Variants in PSME4 observed in about 807,000 individuals in gnomAD.
PSME4 encodes proteasome activator complex subunit 4.
PSME4 carries 89 observed loss-of-function variants against 253.9 expected under a neutral mutation model. The ratio of observed to expected loss-of-function variants is 0.35; its 90% CI spans 0.30 to 0.42. The LOEUF (loss-of-function observed/expected upper bound fraction) is 0.42, where lower values mean the gene tolerates loss of function less well. Among genes scored for constraint, PSME4 ranks in the 10% least tolerant of loss-of-function variants. The probability of loss-of-function intolerance (pLI) is 1.00; values close to 1 mark genes in which losing one functional copy is unlikely to be tolerated. For synonymous variants in PSME4, 851 were observed against 759.2 expected (o/e 1.12, Z -1.99); for missense variants, 2,014 against 2,195.2 (o/e 0.92, Z 1.65).
intron 1 of PSME4, among the ~76,000 whole-genome samples, chr2:53,952,125 C>T (rs372849054): frequency 3.5e-4 from 54 of 152,268 alleles, no homozygotes; most frequent in African/African-American, 1.3e-3. Flanking sequence ...TCAGTGGCTG[C>T]TTCAGGCCTT....
intron 1 of PSME4, among the ~76,000 whole-genome samples, chr2:53,954,784 T>C (rs1345873715): frequency 6.6e-6 from 1 of 151,496 alleles, no homozygotes; most frequent in East Asian, 1.9e-4. Context: ...GAGGTTGCAG[T>C]GAGCCAAGAC....
chr2:53,867,669 CAAAAAA>C (rs35848517), intron 44 of PSME4, among the ~76,000 whole-genome samples: 6 of 98,556 alleles, frequency 6.1e-5, no homozygotes, highest in African/African-American at 7.9e-5. Context: ...GACCTTACCT[CAAAAAA>C]AAAAAAAAAA....
intron 8 of PSME4, 73 bp from the exon 9 acceptor site, chr2:53,932,833 C>T: frequency 8.6e-7 from 1 of 1,159,170 alleles, no homozygotes; most frequent in South Asian, 1.2e-5. Flanking sequence ...AGGCCCAAGC[C>T]TATACGTAAA....
At chr2:53,963,197 A>T (rs989615265) in intron 1 of PSME4, among the ~76,000 whole-genome samples, 1 of 151,980 alleles carries the variant, frequency 6.6e-6, no homozygotes, top group Non-Finnish European at 1.5e-5. Flanking sequence ...GTGGTGGTAT[A>T]TGTCTGTAGT....
At chr2:53,957,640 C>T (rs998201774) in intron 1 of PSME4, among the ~76,000 whole-genome samples, 3 of 152,096 alleles carry the variant, frequency 2.0e-5, no homozygotes, top group Admixed American at 1.3e-4. Context: ...ATTAACAGTA[C>T]GTGGCCTGGG....
At chr2:53,966,109 AC>A (rs890072414) in intron 1 of PSME4, among the ~76,000 whole-genome samples, 3 of 151,314 alleles carry the variant, frequency 2.0e-5, no homozygotes, top group African/African-American at 7.3e-5. Flanking sequence ...ACATGGCAAA[AC>A]CCCCTCTCTA....
In PSME4 at chr2:53,908,579, A is replaced by C; in HGVS notation, c.2630-14T>G. ...CAAGTATGTGGTCTATAATGGAAGA[A>C]AGAAAAGGATTTTGGTTAAAATATT... On this transcript the variant is annotated splice_polypyrimidine_tract_variant and intron_variant, in intron 22 of 46. Transcript: ENST00000404125. The C allele has an allele frequency of 6.3e-7, 1 of 1,579,802 alleles. No homozygotes were observed.
intron 21 of PSME4, among the ~76,000 whole-genome samples, chr2:53,909,537 C>T (rs1667729893): frequency 1.3e-5 from 2 of 152,232 alleles, no homozygotes; most frequent in South Asian, 2.1e-4. Flanking sequence ...CAGACTGACC[C>T]AATTTCTTAC....
intron 3 of PSME4, among the ~76,000 whole-genome samples, chr2:53,942,484 T>C (rs867622154): frequency 1.2e-4 from 18 of 152,162 alleles, no homozygotes; most frequent in Middle Eastern, 3.4e-3. Context: ...GCCACAGTAG[T>C]GCATATAATG....
intron 20 of PSME4, among the ~76,000 whole-genome samples, chr2:53,912,345 T>C (rs1367634563): frequency 6.6e-6 from 1 of 152,242 alleles, no homozygotes; most frequent in Non-Finnish European, 1.5e-5. Flanking sequence ...CTGGGTAGTA[T>C]ACATTACAGC....
chr2:53,915,090 C>A (rs140138911), intron 20 of PSME4, among the ~76,000 whole-genome samples: 19 of 152,124 alleles, frequency 1.2e-4, no homozygotes, highest in African/African-American at 4.6e-4. Flanking sequence ...TAAGACCATC[C>A]CACATACCCT....
chr2:53,908,859 A>T lies in PSME4; in HGVS notation c.2573-19T>A, dbSNP rs1667692027. On this transcript the variant is annotated intron_variant, in intron 21 of 46. Transcript: ENST00000404125. ...GACAGATCTATTTTGAAAAAATAAAAGAAGGTATTTTAGACACTGAATGCT... is the reference window on the plus strand; with the variant it reads ...GACAGATCTATTTTGAAAAAATAAATGAAGGTATTTTAGACACTGAATGCT... The T allele has an allele frequency of 6.3e-7, 1 of 1,580,588 alleles. No homozygotes were observed. Among genetic ancestry groups the T allele is most frequent in the East Asian group, 2.2e-5 (1 of 44,514 alleles).
At chr2:53,940,998 T>TATATATATATGTATATGA (rs1553338492) in intron 3 of PSME4, among the ~76,000 whole-genome samples, 2 of 85,910 alleles carry the variant, frequency 2.3e-5, no homozygotes, top group Non-Finnish European at 2.5e-5. Flanking sequence ...TATATATATA[T>TATATATATATGTATATGA]ATGAAAGGAG....
intron 36 of PSME4, among the ~76,000 whole-genome samples, chr2:53,892,397 CAAGTAATATAAATGAT>C (rs1229166097): frequency 1.3e-5 from 2 of 151,948 alleles, no homozygotes; most frequent in Non-Finnish European, 2.9e-5. Flanking sequence ...AAAGACTGGA[CAAGTAATATAAATGAT>C]AAGGAGGCTA....
intron 21 of PSME4, 57 bp from the exon 22 acceptor site, chr2:53,908,897 A>G: frequency 1.5e-6 from 2 of 1,315,092 alleles, no homozygotes; most frequent in Non-Finnish European, 2.2e-6. Flanking sequence ...TCAGACTTTT[A>G]AAGTTTATAT....
In PSME4 at chr2:53,931,998, T is replaced by C. The variant is rs755721162; in HGVS notation, c.1153A>G (p.Ser385Gly). The C allele has an allele frequency of 7.4e-6, 12 of 1,613,906 alleles. No individual in the cohort carries two copies. The highest frequency in any genetic ancestry group is 2.7e-5 in the African/African-American group (2 of 74,936). The change falls in exon 10 of 47, where the codon AGC becomes GGC. Residue 385 changes from serine (S) to glycine (G), a missense_variant. Around this residue, in one of 4 missense-constraint regions of PSME4, gnomAD observed 615 missense variants for 594.4 expected, o/e 1.03. Coordinates refer to ENST00000404125, the MANE Select transcript of PSME4 (RefSeq NM_014614.3). ...ACATCTTGATCAGTAAGCTTGTGGC[T>C]ATCAGGCACAGGAGTTAACCAAGAG... ...KPSWLTPVPD[S>G]HKLTDQDVTD...
chr2:53,917,420 T>C (rs1017154940), intron 20 of PSME4: 4 of 152,222 alleles, frequency 2.6e-5, no homozygotes, highest in African/African-American at 9.6e-5. Flanking sequence ...ATGAAGCTTT[T>C]GTCATGATGC....
chr2:53,922,957 T>TAA, intron 16 of PSME4, 92 bp downstream of exon 16: 1 of 1,040,814 alleles, frequency 9.6e-7, no homozygotes, highest in Non-Finnish European at 1.3e-6. Context: ...ATTGTGAAGC[T>TAA]AAAGGAATCT....
intron 3 of PSME4, among the ~76,000 whole-genome samples, chr2:53,947,687 C>T (rs1669785774): frequency 6.7e-6 from 1 of 150,186 alleles, no homozygotes. Context: ...GCCTGGGCGA[C>T]AGAGCGAGAC....
Sources: gnomAD v4.1 joint callset for allele counts (sites outside exome capture counted in the v4.1 genomes callset) on GRCh38, gnomAD v4.1.1 for gene constraint, gnomAD v4.1.1 regional missense constraint, MANE v1.5 for transcripts, NCBI Gene and HGNC (gene_info 2026-07-23, HGNC 2026-07-21) for gene names.